TBL1X: variants seen among roughly 807,000 people sequenced by gnomAD.
TBL1X encodes the protein transducin beta like 1 X-linked.
Under a neutral mutation model 50.7 loss-of-function variants are expected in TBL1X, and 10 were observed. The observed-to-expected ratio is 0.20, with a 90% CI of 0.12 to 0.33. The LOEUF (loss-of-function observed/expected upper bound fraction) is 0.33. Ranked by LOEUF, TBL1X falls within the 10% of genes least tolerant of loss-of-function variation. The probability of loss-of-function intolerance (pLI) is 1.00; values close to 1 mark genes in which losing one functional copy is unlikely to be tolerated. For synonymous variants in TBL1X, 190 were observed against 214.7 expected (o/e 0.88, Z 1.01); for missense variants, 340 against 504.4 (o/e 0.67, Z 3.12).
rs770149563 is a variant in TBL1X, at chrX:9,674,839, CA to C, written c.212-9201del. Among the ~76,000 whole-genome samples the C allele has an allele frequency of 2.2e-3, 245 of 110,570 alleles. 1 individual carries two copies. Among genetic ancestry groups the C allele is most frequent in the African/African-American group, 7.6e-3 (231 of 30,303 alleles). ...AAATGATCCTTCCACCTCGACCTTG[CA>C]AAGTGCTGGGATTACAGGCATAAGC... On this transcript the variant is annotated intron_variant, in intron 5 of 17. Transcript: ENST00000645353.
intron 1 of TBL1X, among the ~76,000 whole-genome samples, chrX:9,474,565 C>T (rs746883005): frequency 5.0e-4 from 57 of 113,044 alleles, no homozygotes; most frequent in Admixed American, 2.7e-3. Flanking sequence ...TTGTATTTTG[C>T]GTGTTGTTTT....
At chrX:9,707,332 C>G (rs751532794) in intron 13 of TBL1X, among the ~76,000 whole-genome samples, 2 of 112,254 alleles carry the variant, frequency 1.8e-5, no homozygotes, top group Non-Finnish European at 3.8e-5. Context: ...AACTGACTCT[C>G]TTCTCCCGGT....
At chrX:9,471,120 AT>A (rs764390199) in intron 1 of TBL1X, among the ~76,000 whole-genome samples, 21 of 112,921 alleles carry the variant, frequency 1.9e-4, no homozygotes, top group Non-Finnish European at 3.2e-4. Flanking sequence ...TAGGCTAAAA[AT>A]ATCAAGTTGT....
At chrX:9,511,624 G>C (rs1242793023) in intron 2 of TBL1X, among the ~76,000 whole-genome samples, 1 of 112,295 alleles carries the variant, frequency 8.9e-6, no homozygotes, top group Non-Finnish European at 1.9e-5. Context: ...TGTCTGTTTT[G>C]TACACATTTT....
chrX:9,480,651 G>A (rs749019799), intron 1 of TBL1X, among the ~76,000 whole-genome samples: 117 of 110,200 alleles, frequency 1.1e-3, no homozygotes, highest in Non-Finnish European at 1.9e-3. Context: ...AGTTATTATG[G>A]CTAAATAAAT....
intron 13 of TBL1X, among the ~76,000 whole-genome samples, chrX:9,705,723 T>TAAAAAAA (rs34666783): frequency 2.6e-5 from 2 of 78,229 alleles, no homozygotes; most frequent in Non-Finnish European, 2.4e-5. Flanking sequence ...CTTGTCTCTT[T>TAAAAAAA]AAAAAAAAAA....
intron 5 of TBL1X, among the ~76,000 whole-genome samples, chrX:9,673,635 G>T (rs892976638): frequency 1.4e-4 from 16 of 111,999 alleles, no homozygotes; most frequent in African/African-American, 5.2e-4. Context: ...TTATATATGT[G>T]TATCTATATC....
At chrX:9,476,776 C>CTTA (rs1555956297) in intron 1 of TBL1X, among the ~76,000 whole-genome samples, 1 of 291 alleles carries the variant, frequency 3.4e-3, no homozygotes, top group Non-Finnish European at 5.2e-3. Context: ...AAGACAGTAA[C>CTTA]TTATTAGGAA....
intron 5 of TBL1X, among the ~76,000 whole-genome samples, chrX:9,679,951 A>G (rs55722000): frequency 0.19 from 20,762 of 111,303 alleles, 1,525 homozygotes; most frequent in Non-Finnish European, 0.22. Flanking sequence ...TGGGTAATTT[A>G]TATACAACCA....
At chrX:9,483,672 A>G (rs181906218) in intron 1 of TBL1X, among the ~76,000 whole-genome samples, 316 of 111,376 alleles carry the variant, frequency 2.8e-3, no homozygotes, top group Admixed American at 5.5e-3. Context: ...TGTGCTCTGA[A>G]CAAACTCCTA....
At position 9,719,510 on chromosome X, in the gene TBL1X, T is replaced by G. The variant is rs1268713128; in HGVS notation, c.*3264T>G. 3 of 112,211 alleles carry G rather than the reference T, an allele frequency of 2.7e-5. No homozygotes were observed. The highest frequency in any genetic ancestry group is 9.8e-5 in the African/African-American group (3 of 30,738). The allele number at this position is 112,211 out of a possible 1,213,427, so 9.2% of individuals were successfully genotyped here. ...GTTTTGCATTCTGGCTTGTGCAGTT[T>G]TTATTGTCTGTGTCAGACGTACAGC... On this transcript the variant is annotated 3_prime_UTR_variant, in exon 18 of 18. Coordinates refer to ENST00000645353, the MANE Select transcript of TBL1X (RefSeq NM_005647.4).
intron 2 of TBL1X, among the ~76,000 whole-genome samples, chrX:9,503,261 C>T (rs930229587): frequency 1.8e-5 from 2 of 112,349 alleles, no homozygotes; most frequent in African/African-American, 6.5e-5. Context: ...GAGCACGCTA[C>T]CCAGCCGGGG....
Position 9,674,133 on chromosome X carries a change from T to G in TBL1X, c.212-9910T>G, listed in dbSNP as rs777139145. On this transcript the variant is annotated intron_variant, in intron 5 of 17. Coordinates refer to ENST00000645353, the MANE Select transcript of TBL1X (RefSeq NM_005647.4). ...AAAACAAAAATAACAATACAACAAT[T>G]AAGATAATACATATATTTTTAATTT... is the stretch of plus-strand genomic sequence containing the variant. Among the ~76,000 whole-genome samples the G allele has an allele frequency of 2.7e-5, 3 of 112,143 alleles. No homozygotes were observed. The South Asian group carries it at 1.1e-3, about 41-fold the overall frequency.
chrX:9,501,226 C>T (rs1376772656), intron 1 of TBL1X, among the ~76,000 whole-genome samples: 22 of 111,818 alleles, frequency 2.0e-4, no homozygotes, highest in Admixed American at 1.4e-3. Context: ...GTGGTGTGAC[C>T]GAGAGCAAGT....
chrX:9,622,624 T>C (rs779001131), intron 2 of TBL1X, among the ~76,000 whole-genome samples: 16 of 110,965 alleles, frequency 1.4e-4, no homozygotes, highest in African/African-American at 4.6e-4. Context: ...CCCTGCTAAT[T>C]TTTTTGTGTT....
intron 5 of TBL1X, among the ~76,000 whole-genome samples, chrX:9,662,827 C>T (rs1375587171): frequency 8.9e-6 from 1 of 112,063 alleles, no homozygotes; most frequent in Non-Finnish European, 1.9e-5. Context: ...GGCATGGGCT[C>T]ACACCTGCAG....
At position 9,468,710 on chromosome X, in the gene TBL1X, A is replaced by G. The variant is rs757509979; in HGVS notation, c.-201+3263A>G. ...GAACTTCTCTAACATTAATTTTCTCATTGAGAGAGGAGGTGGGTAGGAGTA... is the reference window on the plus strand; with the variant it reads ...GAACTTCTCTAACATTAATTTTCTCGTTGAGAGAGGAGGTGGGTAGGAGTA... On this transcript the variant is annotated intron_variant, in intron 1 of 17. Transcript: ENST00000645353. Among the ~76,000 whole-genome samples the G allele has an allele frequency of 2.1e-3, 232 of 110,409 alleles. 1 individual carries two copies. Among genetic ancestry groups the G allele is most frequent in the African/African-American group, 7.2e-3 (218 of 30,323 alleles).
At chrX:9,614,404 C>A (rs2082629521) in intron 2 of TBL1X, among the ~76,000 whole-genome samples, 1 of 110,571 alleles carries the variant, frequency 9.0e-6, no homozygotes, top group South Asian at 3.8e-4. Flanking sequence ...CCCATCTCTA[C>A]AAAAAAAATT....
intron 2 of TBL1X, among the ~76,000 whole-genome samples, chrX:9,609,336 G>GGGGT (rs1555900202): frequency 0.018 from 1,705 of 94,732 alleles, 9 homozygotes; most frequent in East Asian, 0.035. Context: ...TTTTCTTCCA[G>GGGGT]GTGTGTGTGT....
Sources: allele counts gnomAD v4.1 joint callset (sites outside exome capture counted in the v4.1 genomes callset), GRCh38; gene constraint gnomAD v4.1.1; transcripts MANE v1.5; gene names NCBI Gene and HGNC (gene_info 2026-07-23, HGNC 2026-07-21).